The following FANCB variants were observed in gnomAD, a reference collection of about 807,000 sequenced individuals.
The protein encoded by FANCB is Fanconi anemia group B protein.
A neutral mutation model predicts 38.9 loss-of-function variants in FANCB; 5 were observed. The observed-to-expected ratio is 0.13, with a 90% CI of 0.07 to 0.27. FANCB has a LOEUF of 0.27. Ranked by LOEUF, FANCB falls within the 10% of genes least tolerant of loss-of-function variation. The pLI, the probability that FANCB is intolerant of heterozygous loss-of-function variation, is 1.00. For missense variants in FANCB, 573 were observed against 602.7 expected (o/e 0.95, Z 0.52); for synonymous variants, 236 against 215.4 (o/e 1.10, Z -0.84).
At chrX:14,730,813 G>A in the FANCB span, 1 of 194,160 alleles carries the variant, frequency 5.2e-6, no homozygotes, top group East Asian at 1.2e-4. Context: ...GCGGGGTCAA[G>A]TTCTTAAGGG....
At chrX:14,773,403 A>G in the FANCB span, among the ~76,000 whole-genome samples, 3 of 112,001 alleles carry the variant, frequency 2.7e-5, no homozygotes, top group African/African-American at 9.7e-5. Context: ...GTGTCATAAT[A>G]TTACTATGGG....
chrX:14,864,858 T>G lies in FANCB; in HGVS notation c.653A>C (p.Glu218Ala), dbSNP rs781051710. The G allele has an allele frequency of 1.9e-5, 23 of 1,209,084 alleles. No individual in the cohort carries two copies. The highest frequency in any genetic ancestry group is 2.5e-5 in the Non-Finnish European group (22 of 893,924). The change falls in exon 3 of 10, where the codon GAA (glutamate) becomes GCA (alanine). Residue 218 changes from glutamate (E) to alanine (A), a missense_variant. Transcript: ENST00000650831. ...TATATCACTTAATACTTCTTGACTT[T>G]CAAGAGAATATACACAAAATTTGGT... is the stretch of plus-strand genomic sequence containing the variant. ...WNTKFCVYSLESQEVLSDIYI... is the reference protein window; with the variant it reads ...WNTKFCVYSLASQEVLSDIYI...
At chrX:14,695,019 A>G in the FANCB span, among the ~76,000 whole-genome samples, 3 of 112,105 alleles carry the variant, frequency 2.7e-5, no homozygotes, top group Non-Finnish European at 3.8e-5. Flanking sequence ...ACATCTCGAT[A>G]GAGTTGGCAA....
the FANCB span, among the ~76,000 whole-genome samples, chrX:14,820,339 T>A: frequency 1.3e-4 from 14 of 111,973 alleles, no homozygotes; most frequent in Non-Finnish European, 1.9e-4. Context: ...TATGTTACAG[T>A]TGAAACCCAT....
the FANCB span, among the ~76,000 whole-genome samples, chrX:14,714,982 G>A: frequency 8.9e-6 from 1 of 111,828 alleles, no homozygotes; most frequent in Non-Finnish European, 1.9e-5. Context: ...TGATAAGATC[G>A]AAATTTATTT....
chrX:14,689,703 T>C, the FANCB span, among the ~76,000 whole-genome samples: 3 of 112,155 alleles, frequency 2.7e-5, no homozygotes, highest in African/African-American at 9.7e-5. Flanking sequence ...GCTATCAAAA[T>C]ATAGGAAACT....
the FANCB span, among the ~76,000 whole-genome samples, chrX:14,792,498 A>AT: frequency 2.7e-5 from 3 of 111,213 alleles, no homozygotes; most frequent in African/African-American, 9.8e-5. Flanking sequence ...TCAATGCACC[A>AT]TTAAAAAAAA....
intron 8 of FANCB, 37 bp from the exon 9 acceptor site, chrX:14,844,777 GCC>G: frequency 1.7e-6 from 2 of 1,154,724 alleles, no homozygotes; most frequent in Non-Finnish European, 2.4e-6. Context: ...ATTAAACTCT[GCC>G]CATTATCAGA....
chrX:14,758,004 G>A, the FANCB span, among the ~76,000 whole-genome samples: 1 of 111,744 alleles, frequency 8.9e-6, no homozygotes, highest in East Asian at 2.8e-4. Context: ...AATAAACTAG[G>A]TGCTGTTGGG....
At chrX:14,764,727 C>A in the FANCB span, among the ~76,000 whole-genome samples, 1 of 111,728 alleles carries the variant, frequency 9.0e-6, no homozygotes, top group Non-Finnish European at 1.9e-5. Flanking sequence ...AATGATCATA[C>A]CTTTGTATAA....
At chrX:14,783,567 G>A in the FANCB span, among the ~76,000 whole-genome samples, 3 of 112,302 alleles carry the variant, frequency 2.7e-5, no homozygotes, top group Non-Finnish European at 5.6e-5. Context: ...CCTGGAAAGG[G>A]TTTGAGTGTG....
chrX:14,842,895 G>T (rs1601975065), downstream of FANCB, among the ~76,000 whole-genome samples: 2 of 111,484 alleles, frequency 1.8e-5, no homozygotes, highest in African/African-American at 3.3e-5. Flanking sequence ...GGGCAGCTTT[G>T]TAACAACATT....
At chrX:14,835,634 C>T (rs1021450268), downstream of FANCB, among the ~76,000 whole-genome samples, 24 of 111,727 alleles carry the variant, frequency 2.1e-4, no homozygotes, top group African/African-American at 7.8e-4. Flanking sequence ...TCCAGGACCA[C>T]ACTTTGAGAA....
chrX:14,714,715 A>C, the FANCB span, among the ~76,000 whole-genome samples: 1 of 112,554 alleles, frequency 8.9e-6, no homozygotes, highest in Non-Finnish European at 1.9e-5. Context: ...ATGTGTGATC[A>C]AGGCAATGAA....
the FANCB span, among the ~76,000 whole-genome samples, chrX:14,739,145 A>C: frequency 8.9e-6 from 1 of 112,020 alleles, no homozygotes; most frequent in Admixed American, 9.5e-5. Context: ...TTTAAGTATA[A>C]TTTGAATGAT....
At chrX:14,714,427 C>T in the FANCB span, among the ~76,000 whole-genome samples, 1 of 111,584 alleles carries the variant, frequency 9.0e-6, no homozygotes, top group Non-Finnish European at 1.9e-5. Context: ...TGCAGGTAAG[C>T]AACCTTGAAC....
chrX:14,751,527 G>T, the FANCB span, among the ~76,000 whole-genome samples: 2 of 111,999 alleles, frequency 1.8e-5, no homozygotes, highest in Admixed American at 1.9e-4. Flanking sequence ...TGGGATGCAG[G>T]TAATGTTCTC....
chrX:14,858,057 C>A, intron 4 of FANCB, 103 bp from the exon 5 acceptor site: 2 of 560,905 alleles, frequency 3.6e-6, no homozygotes, highest in Non-Finnish European at 5.9e-6. Context: ...CCAGTCAGAA[C>A]AGTTTCCCTA....
At chrX:14,847,928 G>A (rs2092383799) in intron 7 of FANCB, among the ~76,000 whole-genome samples, 1 of 111,449 alleles carries the variant, frequency 9.0e-6, no homozygotes, top group African/African-American at 3.3e-5. Flanking sequence ...TATCTAAAGA[G>A]GATCTTAGGA....
Sources: gnomAD v4.1 joint callset for allele counts (sites outside exome capture counted in the v4.1 genomes callset) on GRCh38, gnomAD v4.1.1 for gene constraint, MANE v1.5 for transcripts, NCBI Gene and HGNC (gene_info 2026-07-23, HGNC 2026-07-21) for gene names.